ZFAND4: variants seen among roughly 807,000 people sequenced by gnomAD.
ZFAND4 encodes the protein zinc finger AN1-type containing 4, also known as AN1-type zinc finger protein 4.
ZFAND4 carries 43 observed loss-of-function variants against 64.4 expected under a neutral mutation model. The ratio of observed to expected loss-of-function variants is 0.67; its 90% CI spans 0.52 to 0.86. The LOEUF (loss-of-function observed/expected upper bound fraction) is 0.86, where lower values mean the gene tolerates loss of function less well. Among genes scored for constraint, ZFAND4 ranks in the 40% least tolerant of loss-of-function variants. The probability of loss-of-function intolerance (pLI) is 0.00; values close to 1 mark genes in which losing one functional copy is unlikely to be tolerated. For synonymous variants in ZFAND4, 296 were observed against 305.7 expected, an observed-to-expected ratio of 0.97 and a Z score of 0.33; for missense variants, 929 against 859.8, an observed-to-expected ratio of 1.08 and a Z score of -1.01.
chr10:45,646,603 A>T (rs2047400997), intron 5 of ZFAND4, among the ~76,000 whole-genome samples: 1 of 152,186 alleles, frequency 6.6e-6, no homozygotes, highest in South Asian at 2.1e-4. Flanking sequence ...GAGTAAGAGG[A>T]GAAAATGACG....
Position 45,640,340 on chromosome 10 carries a change from T to C in ZFAND4, c.570-377A>G, listed in dbSNP as rs1341184152. 5.5e-6 allele frequency: 7 copies of C among 1,268,666 alleles called. No homozygotes were observed. In the Admixed American group the frequency reaches 1.3e-4, roughly 23 times the overall value. 78.6% of individuals were successfully genotyped at this position (1,268,666 alleles called of 1,614,324 possible). ...TTGTGCAACCCAGACAACAGGCTGA[T>C]GAGATTTCCATGAATCAGAATTTTT... On this transcript the variant is annotated intron_variant, in intron 5 of 9. Transcript: ENST00000344646.
intron 5 of ZFAND4, among the ~76,000 whole-genome samples, chr10:45,645,670 C>T (rs78712148): frequency 5.9e-5 from 9 of 152,072 alleles, no homozygotes; most frequent in East Asian, 1.9e-4. Flanking sequence ...TTGAATTACA[C>T]GTAACAGCAA....
chr10:45,651,961 C>T lies in ZFAND4; in HGVS notation c.328+5G>A. Reference sequence around the variant, plus strand: ...CAAATTGCTTTAATATATATATATGCCTACCTCTTCTAGTATTTATAGGTC... The same window carrying T: ...CAAATTGCTTTAATATATATATATGTCTACCTCTTCTAGTATTTATAGGTC... On this transcript the variant is annotated splice_donor_5th_base_variant and intron_variant, in intron 4 of 9. Transcript: ENST00000344646. 1.2e-6 allele frequency: 2 copies of T among 1,611,768 alleles called. No homozygotes were observed. Among genetic ancestry groups the T allele is most frequent in the South Asian group, 1.1e-5 (1 of 91,002 alleles).
At chr10:45,662,461 G>T (rs1449519497) in intron 2 of ZFAND4, 1 of 336,420 alleles carries the variant, frequency 3.0e-6, no homozygotes, top group Admixed American at 6.4e-5. Flanking sequence ...AAAAAGTACA[G>T]AGATTATTTA....
At chr10:45,661,369 T>C (rs2133844649) in intron 2 of ZFAND4, among the ~76,000 whole-genome samples, 1 of 152,228 alleles carries the variant, frequency 6.6e-6, no homozygotes, top group Middle Eastern at 3.4e-3. Context: ...TGCAGCCTCC[T>C]TGTTCCTAAT....
intron 1 of ZFAND4, among the ~76,000 whole-genome samples, chr10:45,664,260 G>A (rs1438719137): frequency 3.3e-5 from 5 of 150,734 alleles, no homozygotes; most frequent in South Asian, 2.1e-4. Flanking sequence ...ACTTTACAAC[G>A]ATTGTACATT....
intron 7 of ZFAND4, 143 bp from the exon 8 acceptor site, chr10:45,624,780 A>C (rs2045678963): frequency 2.9e-6 from 2 of 681,594 alleles, no homozygotes; most frequent in East Asian, 5.7e-5. Context: ...TGTTTAATTA[A>C]ATTAACTCAG....
At chr10:45,623,062 C>G (rs1416554470) in intron 8 of ZFAND4, among the ~76,000 whole-genome samples, 1 of 152,098 alleles carries the variant, frequency 6.6e-6, no homozygotes, top group Non-Finnish European at 1.5e-5. Flanking sequence ...ATCAAAACCA[C>G]AGTGACATCA....
At chr10:45,647,838 C>T (rs1490520559) in intron 5 of ZFAND4, among the ~76,000 whole-genome samples, 1 of 152,122 alleles carries the variant, frequency 6.6e-6, no homozygotes, top group African/African-American at 2.4e-5. Context: ...TTGCCTTGTC[C>T]AATTCTCTAA....
chr10:45,651,763 A>G, intron 4 of ZFAND4: 1 of 615,092 alleles, frequency 1.6e-6, no homozygotes, highest in Non-Finnish European at 3.0e-6. Flanking sequence ...TGGATCAGGA[A>G]TCATGTGATT....
intron 2 of ZFAND4, among the ~76,000 whole-genome samples, chr10:45,656,776 A>T (rs1256860397): frequency 1.3e-5 from 2 of 152,016 alleles, no homozygotes; most frequent in Non-Finnish European, 2.9e-5. Flanking sequence ...TTAGGTCATG[A>T]GGGTAGGGTC....
At chr10:45,645,994 T>G (rs993076235) in intron 5 of ZFAND4, among the ~76,000 whole-genome samples, 5 of 151,570 alleles carry the variant, frequency 3.3e-5, no homozygotes, top group Non-Finnish European at 7.4e-5. Context: ...GAAAAAAAAA[T>G]TTCTAAGATA....
chr10:45,623,574 C>T (rs573333073), intron 8 of ZFAND4, among the ~76,000 whole-genome samples: 1 of 152,164 alleles, frequency 6.6e-6, no homozygotes, highest in Non-Finnish European at 1.5e-5. Flanking sequence ...TGTTTGATTC[C>T]ACTTACATAG....
In ZFAND4 at chr10:45,625,982, G is replaced by C. The variant is rs768474616; in HGVS notation, c.1841C>G (p.Ser614Cys). The part of the protein sequence containing the change: ...HFQEENFRKS[S>C]PQLEHTGVFL... ...AACTCCTGTATGTTCTAACTGGGGAGAACTTTTCCTAAAGTTTTCTTCCTG... is the reference window on the plus strand; with the variant it reads ...AACTCCTGTATGTTCTAACTGGGGACAACTTTTCCTAAAGTTTTCTTCCTG... Residue 614 changes from serine (S) to cysteine (C), a missense_variant, in exon 7 of 10, where the codon TCT becomes TGT. Coordinates refer to ENST00000344646, the MANE Select transcript of ZFAND4 (RefSeq NM_174890.4). 11 of 1,614,110 alleles carry C rather than the reference G, an allele frequency of 6.8e-6. No individual in the cohort carries two copies. The highest frequency in any genetic ancestry group is 9.3e-6 in the Non-Finnish European group (11 of 1,180,034).
intron 6 of ZFAND4, among the ~76,000 whole-genome samples, chr10:45,633,967 A>C (rs1454947694): frequency 1.3e-5 from 2 of 152,234 alleles, no homozygotes; most frequent in African/African-American, 2.4e-5. Context: ...ACAATATAAA[A>C]TGCTATTAAG....
intron 6 of ZFAND4, chr10:45,639,615 A>T: frequency 2.7e-6 from 1 of 373,764 alleles, no homozygotes; most frequent in Non-Finnish European, 4.6e-6. Context: ...AATGATGTTA[A>T]GTGCAGTATA....
At chr10:45,621,017 G>A (rs1441016089) in intron 8 of ZFAND4, 1 of 152,212 alleles carries the variant, frequency 6.6e-6, no homozygotes, top group Non-Finnish European at 1.5e-5. Context: ...TAATTCACTT[G>A]CTTGCCATTT....
At position 45,648,461 on chromosome 10, in the gene ZFAND4, G is replaced by C; in HGVS notation, c.402C>G (p.Thr134=). The change falls in exon 5 of 10, where the codon ACC becomes ACG. Residue 134 remains threonine (T), a synonymous_variant. Coordinates refer to ENST00000344646, the MANE Select transcript of ZFAND4 (RefSeq NM_174890.4). ...AAAATGTAACTTGTTTGCTGCAGGA[G>C]GTCTTCTCCCAGACCTCAACTCGAC... ...DSSRVEVWEK[T]SCSKQVTFLV... The C allele has an allele frequency of 1.9e-6, 3 of 1,613,794 alleles. No individual in the cohort carries two copies. The highest frequency in any genetic ancestry group is 2.5e-6 in the Non-Finnish European group (3 of 1,179,886).
chr10:45,626,555 T>A lies in ZFAND4; in HGVS notation c.1268A>T (p.Asn423Ile). The change falls in exon 7 of 10, where the codon AAT becomes ATT. Residue 423 changes from asparagine to isoleucine, a missense_variant. Asn to Ile is a moderately radical substitution (Grantham distance 149, BLOSUM62 -3). Coordinates refer to ENST00000344646, the MANE Select transcript of ZFAND4 (RefSeq NM_174890.4). Reference sequence around the variant, plus strand: ...AGCATTAGTGAGTAGCAACTCCAGATTCACTTTGCACGCACCTTCTAAGCC... The same window carrying A: ...AGCATTAGTGAGTAGCAACTCCAGAATCACTTTGCACGCACCTTCTAAGCC... ...SSGLEGACKV[N>I]LELLLTNADK... 6.2e-7 allele frequency: 1 copy of A among 1,614,156 alleles called. No homozygotes were observed.
Sources: allele counts gnomAD v4.1 joint callset (sites outside exome capture counted in the v4.1 genomes callset), GRCh38; gene constraint gnomAD v4.1.1; transcripts MANE v1.5; gene names NCBI Gene and HGNC (gene_info 2026-07-23, HGNC 2026-07-21).